The following RABGAP1L variants were observed in gnomAD, a reference collection of about 807,000 sequenced individuals.
RABGAP1L encodes the protein rab GTPase-activating protein 1-like.
A neutral mutation model predicts 137.7 loss-of-function variants in RABGAP1L; 63 were observed. That is an observed-to-expected ratio of 0.46 (90% confidence interval 0.37 to 0.56). The LOEUF (loss-of-function observed/expected upper bound fraction) is 0.56. Among genes scored for constraint, RABGAP1L ranks in the 20% least tolerant of loss-of-function variants. The pLI, the probability that RABGAP1L is intolerant of heterozygous loss-of-function variation, is 0.00. For synonymous variants in RABGAP1L, 431 were observed against 433.7 expected (o/e 0.99, Z 0.08); for missense variants, 1,095 against 1,244.0 (o/e 0.88, Z 1.80).
At chr1:174,613,867 C>G (rs1002011977) in intron 13 of RABGAP1L, among the ~76,000 whole-genome samples, 21 of 152,074 alleles carry the variant, frequency 1.4e-4, no homozygotes, top group Non-Finnish European at 2.8e-4. Context: ...TTATCAGAGA[C>G]TAGGATTGCA....
In RABGAP1L at chr1:174,994,438, G is replaced by A. The variant is rs1009346095; in HGVS notation, c.*4437G>A. ...TCCCATTCTTCCTACCTCCATCTCT[G>A]GTTTGTCATTAGTGGTATTCTGAAA... On this transcript the variant is annotated 3_prime_UTR_variant, in exon 26 of 26. Transcript: ENST00000681986. 6.6e-6 allele frequency: 1 copy of A among 152,010 alleles called. No individual in the cohort carries two copies. Among genetic ancestry groups the A allele is most frequent in the Non-Finnish European group, 1.5e-5 (1 of 67,996 alleles). The allele number at this position is 152,010 out of a possible 1,614,324, so 9.4% of individuals were successfully genotyped here.
At chr1:174,805,023 C>T (rs951943796) in intron 18 of RABGAP1L, among the ~76,000 whole-genome samples, 5 of 93,374 alleles carry the variant, frequency 5.4e-5, no homozygotes, top group Admixed American at 4.7e-4. Context: ...ATGTATACTT[C>T]TGATACCCCC....
At chr1:174,768,401 T>C (rs1210978917) in intron 18 of RABGAP1L, among the ~76,000 whole-genome samples, 1 of 152,104 alleles carries the variant, frequency 6.6e-6, no homozygotes, top group Non-Finnish European at 1.5e-5. Flanking sequence ...CTTAATAAGA[T>C]CTCAGGATTT....
At chr1:174,274,193 C>T (rs1674779325) in intron 8 of RABGAP1L, among the ~76,000 whole-genome samples, 1 of 152,094 alleles carries the variant, frequency 6.6e-6, no homozygotes, top group African/African-American at 2.4e-5. Context: ...TACTTTTACT[C>T]CTTCTATGAC....
intron 18 of RABGAP1L, among the ~76,000 whole-genome samples, chr1:174,765,892 T>C (rs779664538): frequency 2.3e-4 from 35 of 152,218 alleles, no homozygotes; most frequent in Non-Finnish European, 4.7e-4. Context: ...AATTTTTGTA[T>C]ATGATGTAAG....
At chr1:174,433,731 C>T (rs1652914684) in intron 13 of RABGAP1L, among the ~76,000 whole-genome samples, 1 of 152,148 alleles carries the variant, frequency 6.6e-6, no homozygotes. Flanking sequence ...TTCTTTTAGA[C>T]ATTTTAGTAG....
At chr1:174,737,168 G>C (rs983681722) in intron 17 of RABGAP1L, among the ~76,000 whole-genome samples, 1 of 151,964 alleles carries the variant, frequency 6.6e-6, no homozygotes, top group Non-Finnish European at 1.5e-5. Flanking sequence ...AAACTTCTTT[G>C]TTCTGCTTCC....
In RABGAP1L at chr1:174,992,886, T is replaced by C. The variant is rs183595003; in HGVS notation, c.*2885T>C. 63 of 152,314 alleles carry C rather than the reference T, an allele frequency of 4.1e-4. No individual in the cohort carries two copies. Among genetic ancestry groups the C allele is most frequent in the African/African-American group, 1.5e-3 (61 of 41,576 alleles). The allele number at this position is 152,314 out of a possible 1,614,324, so 9.4% of individuals were successfully genotyped here. On this transcript the variant is annotated 3_prime_UTR_variant, in exon 26 of 26. Coordinates refer to ENST00000681986, the MANE Select transcript of RABGAP1L (RefSeq NM_001366446.1). Reference sequence around the variant, plus strand: ...TTAACCAGCCAAATATCCAGGAAAGTTTCAAAACATTCTAGTGTTTTTCAT... The same window carrying C: ...TTAACCAGCCAAATATCCAGGAAAGCTTCAAAACATTCTAGTGTTTTTCAT...
At chr1:174,540,973 G>T (rs1665359130) in intron 13 of RABGAP1L, among the ~76,000 whole-genome samples, 1 of 152,096 alleles carries the variant, frequency 6.6e-6, no homozygotes, top group Admixed American at 6.5e-5. Context: ...ATTTTATTGA[G>T]CAGTGGTTTG....
At chr1:174,527,666 C>T (rs533862672) in intron 13 of RABGAP1L, among the ~76,000 whole-genome samples, 5 of 152,208 alleles carry the variant, frequency 3.3e-5, no homozygotes, top group Non-Finnish European at 7.4e-5. Context: ...GTCTGAAGTC[C>T]AGTTTAAATC....
intron 18 of RABGAP1L, among the ~76,000 whole-genome samples, chr1:174,794,455 G>GC (rs1183324333): frequency 1.4e-4 from 21 of 152,182 alleles, no homozygotes; most frequent in Non-Finnish European, 1.2e-4. Context: ...CCTACCATGT[G>GC]CTAGGCTCTA....
intron 13 of RABGAP1L, among the ~76,000 whole-genome samples, chr1:174,506,555 A>G (rs962898867): frequency 3.3e-5 from 5 of 152,350 alleles, no homozygotes; most frequent in African/African-American, 2.4e-5. Flanking sequence ...TCCATTTACA[A>G]TAGCTACAAA....
At position 174,666,043 on chromosome 1, in the gene RABGAP1L, C is replaced by A. The variant is rs547790893; in HGVS notation, c.1825-17479C>A. On this transcript the variant is annotated intron_variant, in intron 14 of 25. Transcript: ENST00000681986. Reference sequence around the variant, plus strand: ...CATGATTTTTGTCACTCTGTGACCTCTTTTTATTCAGCTAATTGTGGGACT... The same window carrying A: ...CATGATTTTTGTCACTCTGTGACCTATTTTTATTCAGCTAATTGTGGGACT... Among the ~76,000 whole-genome samples, 109 of 152,244 alleles carry A rather than the reference C, an allele frequency of 7.2e-4. 1 individual carries two copies. Among genetic ancestry groups the A allele is most frequent in the African/African-American group, 2.4e-3 (101 of 41,556 alleles).
At chr1:174,900,965 A>G (rs776818546) in intron 19 of RABGAP1L, among the ~76,000 whole-genome samples, 1 of 149,460 alleles carries the variant, frequency 6.7e-6, no homozygotes, top group Non-Finnish European at 1.5e-5. Context: ...ACATAATCCC[A>G]TATTTCTCGG....
At chr1:174,257,498 C>T (rs1209741948) in intron 7 of RABGAP1L, among the ~76,000 whole-genome samples, 1 of 152,146 alleles carries the variant, frequency 6.6e-6, no homozygotes, top group African/African-American at 2.4e-5. Context: ...ATATATTACA[C>T]AAAACAATAA....
chr1:174,901,153 T>G (rs531543106), intron 19 of RABGAP1L, among the ~76,000 whole-genome samples: 17 of 152,368 alleles, frequency 1.1e-4, no homozygotes, highest in African/African-American at 3.1e-4. Context: ...TAGTTAGTTA[T>G]GTTCCTCTCT....
intron 1 of RABGAP1L, among the ~76,000 whole-genome samples, chr1:174,197,425 G>A (rs746351564): frequency 6.6e-6 from 1 of 152,152 alleles, no homozygotes; most frequent in African/African-American, 2.4e-5. Context: ...AGTAGAAGAT[G>A]TGTTTAGATC....
chr1:174,226,313 C>T (rs933131588), intron 3 of RABGAP1L, among the ~76,000 whole-genome samples: 3 of 152,180 alleles, frequency 2.0e-5, no homozygotes, highest in African/African-American at 4.8e-5. Flanking sequence ...GTAATCCCAG[C>T]GCTTTGGGAA....
chr1:174,645,274 T>C (rs1674869835), intron 14 of RABGAP1L, among the ~76,000 whole-genome samples: 1 of 152,204 alleles, frequency 6.6e-6, no homozygotes, highest in South Asian at 2.1e-4. Flanking sequence ...TTCTGGGATA[T>C]GTGTGCAGAG....
Sources: gnomAD v4.1 joint callset for allele counts (sites outside exome capture counted in the v4.1 genomes callset) on GRCh38, gnomAD v4.1.1 for gene constraint, MANE v1.5 for transcripts, NCBI Gene and HGNC (gene_info 2026-07-23, HGNC 2026-07-21) for gene names.